DEGS1: variants seen among roughly 807,000 people sequenced by gnomAD.
The protein encoded by DEGS1 is sphingolipid delta(4)-desaturase DES1.
DEGS1 carries 17 observed loss-of-function variants against 24.1 expected under a neutral mutation model. The ratio of observed to expected loss-of-function variants is 0.70; its 90% confidence interval spans 0.48 to 1.06. The LOEUF (loss-of-function observed/expected upper bound fraction) is 1.06. Ranked by LOEUF, DEGS1 falls within the 50% of genes least tolerant of loss-of-function variation. The probability of loss-of-function intolerance (pLI) is 0.00; values close to 1 mark genes in which losing one functional copy is unlikely to be tolerated. For missense variants in DEGS1, 366 were observed against 408.9 expected (o/e 0.90, Z 0.91); for synonymous variants, 134 against 140.0 (o/e 0.96, Z 0.30).
At chr1:224,187,820 A>G (rs534033360) in intron 1 of DEGS1, among the ~76,000 whole-genome samples, 56 of 152,270 alleles carry the variant, frequency 3.7e-4, no homozygotes, top group African/African-American at 1.3e-3. Context: ...GCAGTCCCTC[A>G]TATCCCCTGC....
chr1:224,183,994 G>T (rs920799612), intron 1 of DEGS1, among the ~76,000 whole-genome samples: 4 of 152,230 alleles, frequency 2.6e-5, no homozygotes, highest in African/African-American at 9.6e-5. Context: ...GGGGGCCGGC[G>T]TCCCTCCATA....
rs1213153838 is a variant in DEGS1 at position 224,183,262 on chromosome 1, C to T, written c.-75C>T. The T allele has an allele frequency of 3.0e-6, 4 of 1,345,884 alleles. No individual in the cohort carries two copies. The African/African-American group carries it at 4.6e-5, about 15-fold the overall frequency. The allele number at this position is 1,345,884 out of a possible 1,614,324, so 83.4% of individuals were successfully genotyped here. ...GACACCACACCAGCCGGGGAGCCGC[C>T]GCCGCCGCCGCCACCTCTGAGCAGC... On this transcript the variant is annotated 5_prime_UTR_variant, in exon 1 of 3. Coordinates refer to ENST00000323699, the MANE Select transcript of DEGS1 (RefSeq NM_003676.4).
chr1:224,184,810 C>A (rs929404085), intron 1 of DEGS1, among the ~76,000 whole-genome samples: 5 of 151,954 alleles, frequency 3.3e-5, no homozygotes, highest in African/African-American at 1.2e-4. Context: ...ACCACCGTGC[C>A]CGGCCAGAGC....
At chr1:224,183,473 C>A (rs774848367) in intron 1 of DEGS1, 55 bp downstream of exon 1, 2 of 1,240,290 alleles carry the variant, frequency 1.6e-6, no homozygotes, top group Admixed American at 8.5e-5. Context: ...GGCGCCGGGG[C>A]GCGCTCTCCC....
Position 224,183,303 on chromosome 1 carries a change from G to A in DEGS1, c.-34G>A, listed in dbSNP as rs1019116080. ...TCTGAGCAGCCGGCTGGGAGCGAGA[G>A]CCGACAGCTAGTCTGCAAGCCACCG... is the stretch of plus-strand genomic sequence containing the variant. On this transcript the variant is annotated 5_prime_UTR_variant, in exon 1 of 3. Coordinates refer to ENST00000323699, the MANE Select transcript of DEGS1 (RefSeq NM_003676.4). The A allele has an allele frequency of 6.8e-6, 10 of 1,470,636 alleles. No homozygotes were observed. The African/African-American group carries it at 1.2e-4, about 17-fold the overall frequency. 91.1% of individuals were successfully genotyped at this position (1,470,636 alleles called of 1,614,324 possible).
In DEGS1 at chr1:224,192,779, C is replaced by T. The variant is rs1221321144; in HGVS notation, c.*301C>T. The T allele has an allele frequency of 1.1e-5, 3 of 274,580 alleles. No homozygotes were observed. Among genetic ancestry groups the T allele is most frequent in the Non-Finnish European group, 2.1e-5 (3 of 146,322 alleles). 17.0% of individuals were successfully genotyped at this position (274,580 alleles called of 1,614,324 possible). On this transcript the variant is annotated 3_prime_UTR_variant, in exon 3 of 3. Transcript: ENST00000323699. ...GCTTCTAAAAAGCTATTTCGCCAGG[C>T]ACGGTGGCTCATGCCTATAATCCCA...
intron 1 of DEGS1, chr1:224,183,875 G>C (rs1020098201): frequency 6.5e-6 from 1 of 153,250 alleles, no homozygotes; most frequent in Non-Finnish European, 1.5e-5. Flanking sequence ...GCTAGGCAGG[G>C]TGTGGTCCTG....
At position 224,189,800 on chromosome 1, in the gene DEGS1, A is replaced by C. The variant is rs369549653; in HGVS notation, c.306A>C (p.Ala102=). The stretch of plus-strand genomic sequence containing the variant: ...ATGCTGCCTTTGGCAACTGCAAAGC[A>C]ATGTGGAATCGCTGGTTTGGAATGT... ...AHNAAFGNCK[A]MWNRWFGMFA... The change falls in exon 2 of 3, where the codon GCA becomes GCC. Residue 102 remains alanine (A), a synonymous_variant. Transcript: ENST00000323699. The C allele has an allele frequency of 1.4e-5, 22 of 1,614,096 alleles. No homozygotes were observed. Among genetic ancestry groups the C allele is most frequent in the African/African-American group, 1.1e-4 (8 of 74,948 alleles).
intron 1 of DEGS1, among the ~76,000 whole-genome samples, chr1:224,188,094 C>G (rs970137185): frequency 9.9e-5 from 15 of 151,888 alleles, no homozygotes; most frequent in African/African-American, 3.6e-4. Context: ...TGCACCCAGC[C>G]ATTAGCATAA....
At chr1:224,191,590 C>CTTTTTTTT (rs748181749) in intron 2 of DEGS1, among the ~76,000 whole-genome samples, 12 of 53,330 alleles carry the variant, frequency 2.3e-4, no homozygotes, top group Admixed American at 6.7e-4. Flanking sequence ...TTGATAAGTG[C>CTTTTTTTT]TTTTTTTTTT....
chr1:224,183,331 G>A lies in DEGS1; in HGVS notation c.-6G>A, dbSNP rs1658282604. On this transcript the variant is annotated 5_prime_UTR_variant, in exon 1 of 3. Coordinates refer to ENST00000323699, the MANE Select transcript of DEGS1 (RefSeq NM_003676.4). The stretch of plus-strand genomic sequence containing the variant: ...GACAGCTAGTCTGCAAGCCACCGCT[G>A]TCGCCATGGGGAGCCGCGTCTCGCG... 1 of 1,480,402 alleles carries A rather than the reference G, an allele frequency of 6.8e-7. No homozygotes were observed. The highest frequency in any genetic ancestry group is 3.0e-5 in the East Asian group (1 of 33,068). 91.7% of individuals were successfully genotyped at this position (1,480,402 alleles called of 1,614,324 possible).
chr1:224,187,539 T>A (rs899929609), intron 1 of DEGS1, among the ~76,000 whole-genome samples: 1 of 152,024 alleles, frequency 6.6e-6, no homozygotes, highest in Non-Finnish European at 1.5e-5. Flanking sequence ...TTTTTATTTT[T>A]GGTAGAAATA....
intron 2 of DEGS1, among the ~76,000 whole-genome samples, chr1:224,190,858 G>A (rs1362207421): frequency 6.6e-6 from 1 of 151,954 alleles, no homozygotes; most frequent in Non-Finnish European, 1.5e-5. Flanking sequence ...GAGTAGGCAG[G>A]ATTATAGGCA....
chr1:224,189,223 A>G (rs1220470938), intron 1 of DEGS1, among the ~76,000 whole-genome samples: 2 of 152,252 alleles, frequency 1.3e-5, no homozygotes, highest in African/African-American at 4.8e-5. Context: ...AATGTATATT[A>G]TATTCTATCC....
chr1:224,192,632 T>A lies in DEGS1; in HGVS notation c.*154T>A. On this transcript the variant is annotated 3_prime_UTR_variant, in exon 3 of 3. Transcript: ENST00000323699. ...GATACCAAGAAGTGAATCTGGCTTT[T>A]AAACAGTCAGCCTGACTCTGTACTG... The A allele has an allele frequency of 1.5e-6, 1 of 683,974 alleles. No individual in the cohort carries two copies. Among genetic ancestry groups the A allele is most frequent in the Non-Finnish European group, 2.4e-6 (1 of 412,434 alleles). The allele number at this position is 683,974 out of a possible 1,614,324, so 42.4% of individuals were successfully genotyped here.
chr1:224,185,381 G>T (rs746868056), intron 1 of DEGS1, among the ~76,000 whole-genome samples: 1 of 152,200 alleles, frequency 6.6e-6, no homozygotes, highest in Non-Finnish European at 1.5e-5. Context: ...GCCCAAGCTG[G>T]AGTGCGGTGG....
rs1467745738 is a variant in DEGS1 at position 224,183,300 on chromosome 1, A to T, written c.-37A>T. 6.8e-7 allele frequency: 1 copy of T among 1,465,690 alleles called. No individual in the cohort carries two copies. The highest frequency in any genetic ancestry group is 1.3e-5 in the South Asian group (1 of 75,506). The allele number at this position is 1,465,690 out of a possible 1,614,324, so 90.8% of individuals were successfully genotyped here. A position where few individuals can be genotyped will look rare whatever the true frequency, so the allele number is the denominator to read the frequency against. The stretch of plus-strand genomic sequence containing the variant: ...ACCTCTGAGCAGCCGGCTGGGAGCG[A>T]GAGCCGACAGCTAGTCTGCAAGCCA... On this transcript the variant is annotated 5_prime_UTR_variant, in exon 1 of 3. Coordinates refer to ENST00000323699, the MANE Select transcript of DEGS1 (RefSeq NM_003676.4).
In DEGS1 at chr1:224,192,336, G is replaced by A. The variant is rs1658559164; in HGVS notation, c.830G>A (p.Arg277Lys). The A allele has an allele frequency of 6.2e-7, 1 of 1,609,304 alleles. No individual in the cohort carries two copies. The highest frequency in any genetic ancestry group is 8.5e-7 in the Non-Finnish European group (1 of 1,178,938). The change falls in exon 3 of 3, where the codon AGG (arginine) becomes AAG (lysine). Residue 277 changes from arginine (R) to lysine (K), a missense_variant. By Grantham distance (26) the Arg-to-Lys change is conservative. Coordinates refer to ENST00000323699, the MANE Select transcript of DEGS1 (RefSeq NM_003676.4). Reference sequence around the variant, plus strand: ...GCTGTATTTTTTCCCTTCTAGGTGAGGAAAATAGCAGCTGAATACTATGAC... The same window carrying A: ...GCTGTATTTTTTCCCTTCTAGGTGAAGAAAATAGCAGCTGAATACTATGAC... Reference protein sequence around the residue: ...NIPGKSLPLVRKIAAEYYDNL... With the variant: ...NIPGKSLPLVKKIAAEYYDNL...
At chr1:224,191,965 G>T (rs1192089730) in intron 2 of DEGS1, among the ~76,000 whole-genome samples, 2 of 152,074 alleles carry the variant, frequency 1.3e-5, no homozygotes, top group Non-Finnish European at 2.9e-5. Context: ...GGATGGCAGG[G>T]ATCAGATGTT....
Sources: allele counts gnomAD v4.1 joint callset (sites outside exome capture counted in the v4.1 genomes callset), GRCh38; gene constraint gnomAD v4.1.1; transcripts MANE v1.5; gene names NCBI Gene and HGNC (gene_info 2026-07-23, HGNC 2026-07-21).